The following LOXHD1 variants were observed in gnomAD, a reference collection of about 807,000 sequenced individuals.
The protein encoded by LOXHD1 is lipoxygenase homology PLAT domains 1.
In LOXHD1, 205 loss-of-function variants were observed where a neutral mutation model predicts 248.2. The observed-to-expected ratio is 0.83, with a 90% confidence interval of 0.74 to 0.93. LOXHD1 has a LOEUF of 0.93. LOXHD1 is among the 40% of genes least tolerant of loss of function. The pLI, the probability that LOXHD1 is intolerant of heterozygous loss-of-function variation, is 0.00. For synonymous variants in LOXHD1, 1,113 were observed against 1,162.8 expected (o/e 0.96, Z 0.87); for missense variants, 2,930 against 2,971.6 (o/e 0.99, Z 0.33).
intron 16 of LOXHD1, 54 bp from the exon 17 acceptor site, chr18:46,566,503 T>G: frequency 6.8e-7 from 1 of 1,469,670 alleles, no homozygotes; most frequent in Non-Finnish European, 9.2e-7. Context: ...GAAACCTCCA[T>G]GATCCCATCC....
At chr18:46,591,343 T>C (rs767128449) in intron 12 of LOXHD1, among the ~76,000 whole-genome samples, 4 of 152,356 alleles carry the variant, frequency 2.6e-5, no homozygotes, top group South Asian at 2.1e-4. Context: ...AGAGAATGTT[T>C]TGATCACTTA....
intron 28 of LOXHD1, among the ~76,000 whole-genome samples, chr18:46,532,504 C>T (rs1224529550): frequency 2.6e-5 from 4 of 152,144 alleles, no homozygotes; most frequent in Admixed American, 1.3e-4. Flanking sequence ...GAAACCAGCA[C>T]TCTAAACACT....
chr18:46,494,927 C>T (rs1276681251), intron 37 of LOXHD1, among the ~76,000 whole-genome samples: 1 of 143,460 alleles, frequency 7.0e-6, no homozygotes, highest in Non-Finnish European at 1.5e-5. Context: ...GATCTCAGCT[C>T]ACTGCAAGCT....
chr18:46,595,915 C>G (rs2038250010), intron 8 of LOXHD1, among the ~76,000 whole-genome samples: 1 of 152,024 alleles, frequency 6.6e-6, no homozygotes, highest in African/African-American at 2.4e-5. Context: ...TCCTAAAAGT[C>G]TGAGGTTGTG....
rs727503146 is a variant in LOXHD1 at position 46,566,390 on chromosome 18, GC to G, written c.2303del (p.Gly768AlafsTer165). On this transcript the variant is annotated frameshift_variant, in exon 17 of 41. Coordinates refer to ENST00000642948, the MANE Select transcript of LOXHD1 (RefSeq NM_001384474.1). LOFTEE classifies it high-confidence loss of function. ...GACGGGGCACACGGATCTGAACGCT[GC>G]CCAGGAACCAGCTGGCATGCATGCC... ...STGMHASWFLGSVQIRVPRQG... is the reference protein window; with the variant it reads ...STGMHASWFLXSVQIRVPRQG... 12 of 1,551,416 alleles carry G rather than the reference GC, an allele frequency of 7.7e-6. No homozygotes were observed. Among genetic ancestry groups the G allele is most frequent in the Admixed American group, 2.0e-5 (1 of 50,988 alleles).
chr18:46,503,789 C>A (rs1414487894), intron 37 of LOXHD1, among the ~76,000 whole-genome samples: 1 of 152,106 alleles, frequency 6.6e-6, no homozygotes, highest in Non-Finnish European at 1.5e-5. Context: ...CCCGGATACA[C>A]CCTGATATTG....
Position 46,563,223 on chromosome 18 carries a change from C to T in LOXHD1, c.2440G>A (p.Val814Ile). The T allele has an allele frequency of 6.7e-7, 1 of 1,498,914 alleles. No individual in the cohort carries two copies. Among genetic ancestry groups the T allele is most frequent in the Non-Finnish European group, 9.0e-7 (1 of 1,107,344 alleles). The allele number at this position is 1,498,914 out of a possible 1,614,324, so 92.9% of individuals were successfully genotyped here. A position where few individuals can be genotyped will look rare whatever the true frequency, so the allele number is the denominator to read the frequency against. The change falls in exon 18 of 41, where the codon GTC (valine) becomes ATC (isoleucine). Residue 814 changes from valine to isoleucine, a missense_variant and splice_region_variant. Val to Ile is a conservative substitution (Grantham distance 29). Coordinates refer to ENST00000642948, the MANE Select transcript of LOXHD1 (RefSeq NM_001384474.1). ...PSEVVEIQKL[V>I]HYEVEIWTGD... ...GTCCAAATCTCAACCTCATAGTGGA[C>T]CACTGGGTGGGCACGTGCAGAAGAA...
intron 23 of LOXHD1, among the ~76,000 whole-genome samples, chr18:46,544,205 T>C (rs1044161353): frequency 1.1e-4 from 16 of 152,216 alleles, no homozygotes; most frequent in African/African-American, 3.9e-4. Context: ...GTCCAGTGCC[T>C]AGCTCTGCCA....
chr18:46,558,501 G>T (rs1201237102), intron 20 of LOXHD1, among the ~76,000 whole-genome samples: 1 of 152,150 alleles, frequency 6.6e-6, no homozygotes, highest in Non-Finnish European at 1.5e-5. Context: ...AATTTTTAAA[G>T]GAGAACACTG....
intron 17 of LOXHD1, among the ~76,000 whole-genome samples, chr18:46,565,271 A>G (rs1469465135): frequency 6.7e-6 from 1 of 148,766 alleles, no homozygotes; most frequent in African/African-American, 2.4e-5. Flanking sequence ...AAAAAAAAAA[A>G]TGCAGAGGTG....
Position 46,594,470 on chromosome 18 carries a change from G to C in LOXHD1, c.1135-4C>G. 5.2e-6 allele frequency: 8 copies of C among 1,551,126 alleles called. No homozygotes were observed. The highest frequency in any genetic ancestry group is 7.0e-6 in the Non-Finnish European group (8 of 1,146,962). Reference sequence around the variant, plus strand: ...TGAAGGGGCACAGAATCACCACCTGGGGAGAGTGGAGCACAGTGTCTCCGG... The same window carrying C: ...TGAAGGGGCACAGAATCACCACCTGCGGAGAGTGGAGCACAGTGTCTCCGG... On this transcript the variant is annotated splice_region_variant and splice_polypyrimidine_tract_variant and intron_variant, in intron 8 of 40. Coordinates refer to ENST00000642948, the MANE Select transcript of LOXHD1 (RefSeq NM_001384474.1).
intron 6 of LOXHD1, among the ~76,000 whole-genome samples, chr18:46,608,738 C>T (rs2144306695): frequency 6.6e-6 from 1 of 152,328 alleles, no homozygotes; most frequent in African/African-American, 2.4e-5. Flanking sequence ...GCTTGCTGCT[C>T]TTAGGACCAG....
chr18:46,601,178 G>A, intron 8 of LOXHD1, 39 bp downstream of exon 8: 1 of 1,537,526 alleles, frequency 6.5e-7, no homozygotes, highest in Non-Finnish European at 8.8e-7. Flanking sequence ...GAGGAGAGGG[G>A]TTGAATCAGG....
intron 14 of LOXHD1, among the ~76,000 whole-genome samples, chr18:46,576,405 C>T (rs1264520140): frequency 6.6e-6 from 1 of 152,086 alleles, no homozygotes; most frequent in African/African-American, 2.4e-5. Flanking sequence ...TCACTCCTTC[C>T]CCACATGCCA....
At chr18:46,594,749 A>T (rs1242149504) in intron 8 of LOXHD1, among the ~76,000 whole-genome samples, 1 of 152,242 alleles carries the variant, frequency 6.6e-6, no homozygotes, top group Non-Finnish European at 1.5e-5. Flanking sequence ...CTTTAAGCAC[A>T]TCATAAATTC....
At position 46,541,837 on chromosome 18, in the gene LOXHD1, GTCT is replaced by G; in HGVS notation, c.3849_3851del (p.Glu1283del). On this transcript the variant is annotated inframe_deletion, in exon 25 of 41. Transcript: ENST00000642948. Reference sequence around the variant, plus strand: ...AGAGGTCTCTGATGATGGACCCGTCGTCTTCGTTTTTGGCCAGCCAGCGGCCAC... The same window carrying G: ...AGAGGTCTCTGATGATGGACCCGTCGTCGTTTTTGGCCAGCCAGCGGCCAC... 6.4e-7 allele frequency: 1 copy of G among 1,551,704 alleles called. No individual in the cohort carries two copies. The highest frequency in any genetic ancestry group is 8.7e-7 in the Non-Finnish European group (1 of 1,147,012).
chr18:46,572,451 T>C (rs2037771041), intron 14 of LOXHD1, among the ~76,000 whole-genome samples: 1 of 151,646 alleles, frequency 6.6e-6, no homozygotes, highest in Non-Finnish European at 1.5e-5. Context: ...AAAGGAAGAG[T>C]ATCCCAGAGG....
chr18:46,489,070 T>C lies in LOXHD1; in HGVS notation c.5951A>G (p.Gln1984Arg). The C allele has an allele frequency of 6.4e-7, 1 of 1,551,730 alleles. No homozygotes were observed. Among genetic ancestry groups the C allele is most frequent in the Non-Finnish European group, 8.7e-7 (1 of 1,147,004 alleles). Residue 1984 changes from glutamine (Q) to arginine (R), a missense_variant, in exon 38 of 41, where the codon CAG becomes CGG. By Grantham distance (43) the Gln-to-Arg change is conservative (BLOSUM62 1). Coordinates refer to ENST00000642948, the MANE Select transcript of LOXHD1 (RefSeq NM_001384474.1). Reference protein sequence around the residue: ...DNSRDETFHFQCDCWLSKSEG... With the variant: ...DNSRDETFHFRCDCWLSKSEG... Reference sequence around the variant, plus strand: ...ACTCTTGGAGAGCCAGCAGTCACACTGGAAGTGGAAGGTCTCGTCGCGGGA... The same window carrying C: ...ACTCTTGGAGAGCCAGCAGTCACACCGGAAGTGGAAGGTCTCGTCGCGGGA...
At chr18:46,497,558 C>A (rs1319484605) in intron 37 of LOXHD1, among the ~76,000 whole-genome samples, 1 of 152,088 alleles carries the variant, frequency 6.6e-6, no homozygotes, top group Non-Finnish European at 1.5e-5. Flanking sequence ...CACTAAGGCA[C>A]AAGGAACACT....
Sources: gnomAD v4.1 joint callset for allele counts (sites outside exome capture counted in the v4.1 genomes callset) on GRCh38, gnomAD v4.1.1 for gene constraint, MANE v1.5 for transcripts, NCBI Gene and HGNC (gene_info 2026-07-23, HGNC 2026-07-21) for gene names.